Variants in NRG1 observed in about 807,000 individuals in gnomAD.
The protein encoded by NRG1 is neuregulin 1.
A neutral mutation model predicts 63.8 loss-of-function variants in NRG1; 18 were observed. The ratio of observed to expected loss-of-function variants is 0.28; its 90% CI spans 0.19 to 0.42. The LOEUF (loss-of-function observed/expected upper bound fraction) is 0.42. Ranked by LOEUF, NRG1 falls within the 10% of genes least tolerant of loss-of-function variation. The probability of loss-of-function intolerance (pLI) is 1.00; values close to 1 mark genes in which losing one functional copy is unlikely to be tolerated. For synonymous variants in NRG1, 302 were observed against 301.3 expected (o/e 1.00, Z -0.02); for missense variants, 762 against 814.7 (o/e 0.94, Z 0.79).
At chr8:31,946,952 A>G (rs1260124670) in intron 1 of NRG1, among the ~76,000 whole-genome samples, 2 of 152,222 alleles carry the variant, frequency 1.3e-5, no homozygotes, top group Non-Finnish European at 2.9e-5. Context: ...GATCTAACTC[A>G]TACTTCTGTG....
intron 1 of NRG1, among the ~76,000 whole-genome samples, chr8:32,254,563 T>C (rs2129471003): frequency 1.3e-5 from 2 of 152,324 alleles, no homozygotes; most frequent in African/African-American, 4.8e-5. Context: ...TTTCCATTCC[T>C]TTGTGTTTGC....
At chr8:31,812,038 C>A (rs972246602) in intron 1 of NRG1, among the ~76,000 whole-genome samples, 3 of 152,094 alleles carry the variant, frequency 2.0e-5, no homozygotes, top group African/African-American at 7.2e-5. Context: ...TATGTGGGTG[C>A]TCAGAGTATC....
intron 5 of NRG1, among the ~76,000 whole-genome samples, chr8:32,709,175 G>T (rs1461900702): frequency 1.3e-5 from 2 of 152,084 alleles, no homozygotes; most frequent in African/African-American, 4.8e-5. Context: ...AGGAAACAAA[G>T]AAGCCTAAGT....
intron 2 of NRG1, among the ~76,000 whole-genome samples, chr8:32,602,013 C>T (rs1320637028): frequency 2.0e-5 from 3 of 152,082 alleles, no homozygotes; most frequent in Non-Finnish European, 2.9e-5. Context: ...CACCAGTTTT[C>T]GTACGTGAAT....
chr8:32,064,873 T>A (rs1263848352), intron 1 of NRG1, among the ~76,000 whole-genome samples: 1 of 152,160 alleles, frequency 6.6e-6, no homozygotes, highest in Non-Finnish European at 1.5e-5. Context: ...CCATTTTAAG[T>A]ACAGATACTG....
intron 1 of NRG1, among the ~76,000 whole-genome samples, chr8:32,395,377 A>C (rs185328379): frequency 1.2e-4 from 18 of 152,310 alleles, no homozygotes; most frequent in Admixed American, 1.0e-3. Flanking sequence ...TGGGAATTAC[A>C]ATAATCCTTA....
chr8:32,363,007 G>A (rs550640136), intron 1 of NRG1, among the ~76,000 whole-genome samples: 8 of 152,268 alleles, frequency 5.3e-5, no homozygotes, highest in African/African-American at 1.9e-4. Context: ...ACATGCGCAT[G>A]GGGTGTGCAA....
chr8:32,157,502 A>G (rs1425791985), intron 1 of NRG1, among the ~76,000 whole-genome samples: 1 of 151,682 alleles, frequency 6.6e-6, no homozygotes, highest in Non-Finnish European at 1.5e-5. Context: ...TCTACTAAAA[A>G]TACAAAATTA....
chr8:31,763,699 C>T (rs1454741553), intron 1 of NRG1, among the ~76,000 whole-genome samples: 1 of 152,150 alleles, frequency 6.6e-6, no homozygotes, highest in South Asian at 2.1e-4. Flanking sequence ...GCCTGTGATC[C>T]CAGCACCTTG....
chr8:31,896,519 A>G (rs1831591391), intron 1 of NRG1, among the ~76,000 whole-genome samples: 1 of 152,078 alleles, frequency 6.6e-6, no homozygotes. Flanking sequence ...ACCATTCTCA[A>G]TTCTCATCTG....
At chr8:32,370,051 G>A (rs76272146) in intron 1 of NRG1, among the ~76,000 whole-genome samples, 3,737 of 152,174 alleles carry the variant, frequency 0.025, 142 homozygotes, top group African/African-American at 0.085. Flanking sequence ...AAGGGACATA[G>A]GTCAGGAAAG....
intron 3 of NRG1, among the ~76,000 whole-genome samples, chr8:32,613,892 A>G (rs190804716): frequency 6.6e-6 from 1 of 152,164 alleles, no homozygotes; most frequent in East Asian, 1.9e-4. Flanking sequence ...GACTGTCACA[A>G]TCCTCATGAA....
intron 1 of NRG1, among the ~76,000 whole-genome samples, chr8:32,167,986 A>G (rs1184762294): frequency 6.6e-6 from 1 of 152,264 alleles, no homozygotes; most frequent in East Asian, 1.9e-4. Flanking sequence ...GCATTTTGAT[A>G]TACTTTGGGA....
At chr8:32,748,673 G>A (rs1291740957) in intron 7 of NRG1, 1 of 456,126 alleles carries the variant, frequency 2.2e-6, no homozygotes, top group Admixed American at 2.4e-5. Flanking sequence ...CTGTGTGCAT[G>A]GGAGTCCAGC....
At chr8:32,344,381 T>TTTTTTTCTTTCTTTCTTTCTTC (rs754495317) in intron 1 of NRG1, among the ~76,000 whole-genome samples, 1 of 90,116 alleles carries the variant, frequency 1.1e-5, no homozygotes, top group Non-Finnish European at 2.4e-5. Flanking sequence ...TTTCTTTCTT[T>TTTTTTTCTTTCTTTCTTTCTTC]CTCTTTCTTT....
At chr8:31,651,984 G>A (rs954382453) in intron 1 of NRG1, among the ~76,000 whole-genome samples, 5 of 152,092 alleles carry the variant, frequency 3.3e-5, no homozygotes, top group African/African-American at 1.2e-4. Context: ...ATTTTAACCA[G>A]TGCCTCATCT....
At chr8:31,871,641 AAAAC>A (rs1829496644) in intron 1 of NRG1, among the ~76,000 whole-genome samples, 1 of 152,116 alleles carries the variant, frequency 6.6e-6, no homozygotes, top group Non-Finnish European at 1.5e-5. Context: ...TTTTAAAAAC[AAAAC>A]AAACCAAAAA....
chr8:31,678,088 G>GTTAT (rs56884285), intron 1 of NRG1, among the ~76,000 whole-genome samples: 36,180 of 149,888 alleles, frequency 0.24, 4,772 homozygotes, highest in African/African-American at 0.27. Context: ...CTTTTAACTT[G>GTTAT]TTATTTATTT....
chr8:31,688,225 C>T (rs1809110095), intron 1 of NRG1, among the ~76,000 whole-genome samples: 1 of 152,168 alleles, frequency 6.6e-6, no homozygotes, highest in Admixed American at 6.5e-5. Context: ...GAAACCTGAT[C>T]TCCAAAGTGA....
Sources: allele counts gnomAD v4.1 joint callset (sites outside exome capture counted in the v4.1 genomes callset), GRCh38; gene constraint gnomAD v4.1.1; transcripts MANE v1.5; gene names NCBI Gene and HGNC (gene_info 2026-07-23, HGNC 2026-07-21).